Variants in SPRY3 observed in about 807,000 individuals in gnomAD.
SPRY3 encodes the protein protein sprouty homolog 3.
Under a neutral mutation model 20.2 loss-of-function variants are expected in SPRY3, and 15 were observed. The observed-to-expected ratio is 0.74, with a 90% confidence interval of 0.50 to 1.14. The LOEUF is 1.14. Ranked by LOEUF, SPRY3 falls within the 50% of genes most tolerant of loss-of-function variation. SPRY3 has a pLI of 0.00. For missense variants in SPRY3, 364 were observed against 363.9 expected (o/e 1.00, Z 0.00); for synonymous variants, 143 against 136.5 (o/e 1.05, Z -0.33).
downstream of SPRY3, chrX:155,777,200 A>T (rs916891165): frequency 1.3e-4 from 21 of 167,146 alleles, no homozygotes; most frequent in African/African-American, 5.1e-4. Flanking sequence ...TCTGCCTGAA[A>T]TGTGCTTAGA....
chrX:155,779,319 G>A (rs936407430), downstream of SPRY3: 1 of 166,996 alleles, frequency 6.0e-6, no homozygotes, highest in Admixed American at 6.5e-5. Flanking sequence ...CACTAGGGTG[G>A]TGCTTTTACC....
intron 2 of SPRY3, among the ~76,000 whole-genome samples, chrX:155,713,222 T>C (rs1468774751): frequency 1.3e-5 from 2 of 152,110 alleles, no homozygotes; most frequent in African/African-American, 4.8e-5. Context: ...TCTTTCTATG[T>C]AAGTTAAGAG....
intron 2 of SPRY3, among the ~76,000 whole-genome samples, chrX:155,751,143 G>C (rs2091260208): frequency 6.6e-6 from 1 of 151,826 alleles, no homozygotes; most frequent in Non-Finnish European, 1.5e-5. Flanking sequence ...GAGCAGAAAA[G>C]ACAGGAAAAG....
intron 2 of SPRY3, among the ~76,000 whole-genome samples, chrX:155,692,176 GTAC>G (rs1569562643): frequency 1.8e-5 from 2 of 109,134 alleles, no homozygotes; most frequent in African/African-American, 6.9e-5. Context: ...TAGTAAATGG[GTAC>G]AGCTTTATAT....
intron 2 of SPRY3, among the ~76,000 whole-genome samples, chrX:155,767,496 G>C (rs2091340508): frequency 6.6e-6 from 1 of 151,796 alleles, no homozygotes; most frequent in South Asian, 2.1e-4. Flanking sequence ...TGCTGCTTCG[G>C]TTCATCTGTC....
intron 1 of SPRY3, among the ~76,000 whole-genome samples, chrX:155,625,146 A>C (rs782543335): frequency 1.8e-5 from 2 of 111,729 alleles, no homozygotes; most frequent in Non-Finnish European, 3.8e-5. Flanking sequence ...ATAATTGTGT[A>C]TATTTATGAG....
chrX:155,759,975 T>C (rs1013724046), intron 2 of SPRY3, among the ~76,000 whole-genome samples: 1 of 152,232 alleles, frequency 6.6e-6, no homozygotes, highest in Non-Finnish European at 1.5e-5. Flanking sequence ...CTCTTGTCTT[T>C]ATCTCTCATC....
intron 2 of SPRY3, among the ~76,000 whole-genome samples, chrX:155,754,925 A>G (rs1224814682): frequency 6.6e-6 from 1 of 151,910 alleles, no homozygotes; most frequent in South Asian, 2.1e-4. Context: ...ACTTTTGTAT[A>G]TTGATTAATC....
intron 2 of SPRY3, among the ~76,000 whole-genome samples, chrX:155,725,397 C>T (rs2091090393): frequency 1.3e-5 from 2 of 152,086 alleles, no homozygotes; most frequent in Admixed American, 1.3e-4. Flanking sequence ...GGAATGGTAC[C>T]AGCTCCTCTT....
chrX:155,668,601 C>A (rs2068031447), intron 2 of SPRY3, among the ~76,000 whole-genome samples: 1 of 110,484 alleles, frequency 9.1e-6, no homozygotes, highest in African/African-American at 3.3e-5. Flanking sequence ...ATTTTAAGCT[C>A]CTGAGGTAAT....
intron 1 of SPRY3, among the ~76,000 whole-genome samples, chrX:155,655,116 A>G (rs185974586): frequency 4.5e-5 from 5 of 111,666 alleles, no homozygotes; most frequent in African/African-American, 1.3e-4. Context: ...TCTGATGATT[A>G]GTGATGTTGA....
intron 2 of SPRY3, among the ~76,000 whole-genome samples, chrX:155,753,041 G>A (rs2091270180): frequency 6.6e-6 from 1 of 151,862 alleles, no homozygotes; most frequent in Non-Finnish European, 1.5e-5. Flanking sequence ...ACAGGAGTCT[G>A]TTTGCATGAG....
At chrX:155,620,318 C>T (rs1478609714) in intron 1 of SPRY3, among the ~76,000 whole-genome samples, 1 of 110,979 alleles carries the variant, frequency 9.0e-6, no homozygotes. Flanking sequence ...ACACACTTTC[C>T]CTATGACTCA....
intron 2 of SPRY3, among the ~76,000 whole-genome samples, chrX:155,754,074 A>G (rs2091274560): frequency 6.6e-6 from 1 of 151,976 alleles, no homozygotes; most frequent in African/African-American, 2.4e-5. Context: ...TTGGCAGGAA[A>G]AAAAGGTTTT....
intron 2 of SPRY3, among the ~76,000 whole-genome samples, chrX:155,675,562 C>T (rs1328322035): frequency 9.0e-6 from 1 of 111,166 alleles, no homozygotes; most frequent in Admixed American, 9.6e-5. Flanking sequence ...ATGGTGGTTC[C>T]CCAGCTGGAA....
intron 2 of SPRY3, among the ~76,000 whole-genome samples, chrX:155,693,142 C>T (rs2068108653): frequency 9.0e-6 from 1 of 111,279 alleles, no homozygotes; most frequent in Non-Finnish European, 1.9e-5. Flanking sequence ...GTTCTAACTA[C>T]TGTATCATCT....
chrX:155,746,439 A>C (rs992049911), intron 2 of SPRY3, among the ~76,000 whole-genome samples: 2 of 152,030 alleles, frequency 1.3e-5, no homozygotes, highest in Admixed American at 1.3e-4. Context: ...AACAAAAGGC[A>C]ATACAAAGAC....
intron 2 of SPRY3, among the ~76,000 whole-genome samples, chrX:155,660,486 G>T (rs1206200954): frequency 8.9e-6 from 1 of 111,813 alleles, no homozygotes; most frequent in African/African-American, 3.2e-5. Flanking sequence ...TGAGAAGAAT[G>T]TATATACTGC....
rs2091359603 is a variant in SPRY3 at position 155,768,433 on chromosome X, G to A, written c.-107+297G>A. On this transcript the variant is annotated intron_variant, in intron 3 of 3. Coordinates refer to ENST00000675360, the Ensembl canonical transcript of SPRY3. ...ATTTCTAGCCTGTTAACCTTTAAAT[G>A]CATTTTGGTACTTGCCTAAACCCCT... is the stretch of plus-strand genomic sequence containing the variant. 2.0e-5 allele frequency among the ~76,000 whole-genome samples: 3 copies of A among 152,044 alleles called. 1 individual carries two copies. The highest frequency in any genetic ancestry group is 2.0e-4 in the Admixed American group (3 of 15,264).
Sources: allele counts gnomAD v4.1 joint callset (sites outside exome capture counted in the v4.1 genomes callset), GRCh38; gene constraint gnomAD v4.1.1; transcripts MANE v1.5; gene names NCBI Gene and HGNC (gene_info 2026-07-23, HGNC 2026-07-21).